Variants in SYT2 observed in about 807,000 individuals in gnomAD.
SYT2 encodes synaptotagmin 2.
A neutral mutation model predicts 39.9 loss-of-function variants in SYT2; 15 were observed. That is an observed-to-expected ratio of 0.38 (90% CI 0.25 to 0.58). The LOEUF (loss-of-function observed/expected upper bound fraction) is 0.58. SYT2 is among the 20% of genes least tolerant of loss of function. The pLI is 0.70. For missense variants in SYT2, 389 were observed against 530.3 expected, an observed-to-expected ratio of 0.73 and a Z score of 2.62; for synonymous variants, 181 against 204.5, an observed-to-expected ratio of 0.89 and a Z score of 0.98.
At chr1:202,664,838 T>C (rs972230217) in intron 1 of SYT2, among the ~76,000 whole-genome samples, 2 of 152,182 alleles carry the variant, frequency 1.3e-5, no homozygotes, top group Non-Finnish European at 2.9e-5. Flanking sequence ...TTTGTATTTT[T>C]AGTAGAGACA....
chr1:202,656,102 C>A (rs1412529287), intron 1 of SYT2, among the ~76,000 whole-genome samples: 2 of 151,720 alleles, frequency 1.3e-5, no homozygotes, highest in Admixed American at 1.3e-4. Context: ...GCATGCAGCA[C>A]TGGGGGAAAG....
intron 1 of SYT2, among the ~76,000 whole-genome samples, chr1:202,656,308 T>G (rs977166141): frequency 6.6e-6 from 1 of 152,202 alleles, no homozygotes; most frequent in Non-Finnish European, 1.5e-5. Context: ...TAAACAGAAA[T>G]TTCCCGACTC....
intron 1 of SYT2, among the ~76,000 whole-genome samples, chr1:202,665,749 CCA>C (rs946736640): frequency 1.8e-4 from 27 of 152,176 alleles, no homozygotes; most frequent in African/African-American, 6.3e-4. Context: ...TTGCTCCTTT[CCA>C]CATTCATTGG....
intron 1 of SYT2, among the ~76,000 whole-genome samples, chr1:202,610,294 G>T (rs988474854): frequency 3.3e-5 from 5 of 152,160 alleles, no homozygotes; most frequent in African/African-American, 1.2e-4. Context: ...CTGTAGCCTT[G>T]TAGTATAGTT....
chr1:202,625,031 GTGGT>G (rs1691340510), intron 1 of SYT2, among the ~76,000 whole-genome samples: 1 of 1,368 alleles, frequency 7.3e-4, no homozygotes, highest in South Asian at 0.038. Flanking sequence ...GGTTGTGTGT[GTGGT>G]GTGTGTGGTG....
chr1:202,686,471 TTC>T (rs1653668524), intron 1 of SYT2, among the ~76,000 whole-genome samples: 1 of 152,150 alleles, frequency 6.6e-6, no homozygotes, highest in Non-Finnish European at 1.5e-5. Flanking sequence ...AGCTCACAGC[TTC>T]TCTCTTTCCT....
intron 5 of SYT2, 149 bp from the exon 6 acceptor site, chr1:202,602,206 A>AGGGTG: frequency 4.8e-6 from 2 of 420,414 alleles, no homozygotes; most frequent in South Asian, 1.9e-5. Flanking sequence ...GCAGAGTGTG[A>AGGGTG]GGGTGGGGTG....
At position 202,624,352 on chromosome 1, in the gene SYT2, G is replaced by A. The variant is rs978392637; in HGVS notation, c.-17-18563C>T. Among the ~76,000 whole-genome samples, 23 of 151,336 alleles carry A rather than the reference G, an allele frequency of 1.5e-4. 1 individual carries two copies. The highest frequency in any genetic ancestry group is 4.2e-4 in the South Asian group (2 of 4,800). Reference sequence around the variant, plus strand: ...GGAGGCTCTAGTGGGGTGTCAGGGGGTATGTGGGTAGTGGGTAGTGGCATA... The same window carrying A: ...GGAGGCTCTAGTGGGGTGTCAGGGGATATGTGGGTAGTGGGTAGTGGCATA... On this transcript the variant is annotated intron_variant, in intron 1 of 8. Transcript: ENST00000367268.
chr1:202,702,708 T>C (rs562055708), intron 1 of SYT2, among the ~76,000 whole-genome samples: 2 of 152,298 alleles, frequency 1.3e-5, no homozygotes, highest in East Asian at 3.9e-4. Context: ...TAACATCCCA[T>C]CTTAGGCCCT....
intron 1 of SYT2, among the ~76,000 whole-genome samples, chr1:202,669,737 GAC>G (rs1264861560): frequency 1.6e-4 from 24 of 147,328 alleles, no homozygotes; most frequent in Admixed American, 2.0e-4. Flanking sequence ...CGGCTTGGAT[GAC>G]AGAGTGAGAC....
rs1042618960 is a variant in SYT2 at position 202,601,832 on chromosome 1, T to C, written c.801+58A>G. ...ACCCTGTTTCCATCATGCCAAGAGG[T>C]GGAAGCCCACCTGTACATTCGTCTT... On this transcript the variant is annotated intron_variant, in intron 6 of 8. Coordinates refer to ENST00000367268, the MANE Select transcript of SYT2 (RefSeq NM_177402.5). This position sits in a 1 kb window ranked among gnomAD's most constrained non-coding sequence, Gnocchi z 4.0. 4.7e-5 allele frequency: 73 copies of C among 1,562,834 alleles called. No individual in the cohort carries two copies. The Admixed American group carries it at 1.3e-3, about 27-fold the overall frequency.
chr1:202,662,220 G>A (rs1692395309), intron 1 of SYT2, among the ~76,000 whole-genome samples: 1 of 152,234 alleles, frequency 6.6e-6, no homozygotes, highest in South Asian at 2.1e-4. Flanking sequence ...AGCGGCAAGA[G>A]GCATAGTGTA....
At chr1:202,627,600 C>T (rs1193955603) in intron 1 of SYT2, 1 of 985,328 alleles carries the variant, frequency 1.0e-6, no homozygotes, top group Non-Finnish European at 1.2e-6. Context: ...CAGTGCAGCT[C>T]AGGTTCTCTG....
intron 1 of SYT2, among the ~76,000 whole-genome samples, chr1:202,613,670 C>A (rs183889350): frequency 3.6e-4 from 55 of 152,242 alleles, no homozygotes; most frequent in East Asian, 1.2e-3. Context: ...TTGAGCCTAG[C>A]TCCTCCATTC....
intron 1 of SYT2, among the ~76,000 whole-genome samples, chr1:202,703,125 C>T (rs1326423551): frequency 6.6e-6 from 1 of 152,194 alleles, no homozygotes; most frequent in African/African-American, 2.4e-5. Context: ...TCTCTCAAAC[C>T]ACCCAGCCCT....
chr1:202,646,870 C>A (rs1164286706), intron 1 of SYT2, among the ~76,000 whole-genome samples: 2 of 152,194 alleles, frequency 1.3e-5, no homozygotes, highest in Non-Finnish European at 2.9e-5. Flanking sequence ...CCCCACCTCA[C>A]TTAGTGGCTC....
chr1:202,642,668 G>A (rs1691950003), intron 1 of SYT2, among the ~76,000 whole-genome samples: 1 of 152,358 alleles, frequency 6.6e-6, no homozygotes, highest in Middle Eastern at 3.4e-3. Context: ...CAAGGCGGGG[G>A]CGCTCAGAAA....
At chr1:202,622,479 C>T (rs1350758904) in intron 1 of SYT2, among the ~76,000 whole-genome samples, 1 of 152,140 alleles carries the variant, frequency 6.6e-6, no homozygotes, top group East Asian at 1.9e-4. Context: ...AGAGTTGGAA[C>T]GTCCTTCTAG....
chr1:202,631,959 C>G (rs544177372), intron 1 of SYT2: 55 of 895,126 alleles, frequency 6.1e-5, no homozygotes, highest in Non-Finnish European at 6.8e-5. Flanking sequence ...ATTCGCCAGG[C>G]CCTGCTGGTT....
Sources: gnomAD v4.1 joint callset for allele counts (sites outside exome capture counted in the v4.1 genomes callset) on GRCh38, gnomAD v4.1.1 for gene constraint, Gnocchi (gnomAD v3.1) non-coding constraint, MANE v1.5 for transcripts, NCBI Gene and HGNC (gene_info 2026-07-23, HGNC 2026-07-21) for gene names.